The following TMEM132D variants were observed in gnomAD, a reference collection of about 807,000 sequenced individuals.
The protein encoded by TMEM132D is mature OL transmembrane protein.
TMEM132D carries 21 observed loss-of-function variants against 62.3 expected under a neutral mutation model. That is an observed-to-expected ratio of 0.34 (90% CI 0.24 to 0.49). TMEM132D has a LOEUF of 0.49. TMEM132D is among the 20% of genes least tolerant of loss of function. The pLI is 0.99. For missense variants in TMEM132D, 1,346 were observed against 1,402.8 expected, an observed-to-expected ratio of 0.96 and a Z score of 0.65; for synonymous variants, 621 against 575.6, an observed-to-expected ratio of 1.08 and a Z score of -1.13.
At position 129,166,375 on chromosome 12, in the gene TMEM132D, T is replaced by G. The variant is rs77184001; in HGVS notation, c.1443+43145A>C. On this transcript the variant is annotated intron_variant, in intron 5 of 8. Coordinates refer to ENST00000422113, the MANE Select transcript of TMEM132D (RefSeq NM_133448.3). ...AGGCATGAATGCGGGCGGAGCTCCA[T>G]CTAAAGGGCCACGTATGTTTCATCT... 2.5e-3 allele frequency among the ~76,000 whole-genome samples: 380 copies of G among 152,294 alleles called. 11 individuals carry two copies. In the East Asian group the frequency reaches 0.051, roughly 20 times the overall value.
At chr12:129,307,832 T>C (rs1384529152) in intron 4 of TMEM132D, among the ~76,000 whole-genome samples, 1 of 152,246 alleles carries the variant, frequency 6.6e-6, no homozygotes, top group East Asian at 1.9e-4. Context: ...TTTCTTTCAA[T>C]GCAGTCTCTG....
intron 2 of TMEM132D, among the ~76,000 whole-genome samples, chr12:129,539,906 C>T (rs1016875561): frequency 5.3e-5 from 8 of 152,116 alleles, no homozygotes; most frequent in Admixed American, 2.6e-4. Context: ...GCGGGGAGAA[C>T]GACCAAAGGC....
chr12:129,868,143 T>C, intron 1 of TMEM132D, among the ~76,000 whole-genome samples: 1 of 152,064 alleles, frequency 6.6e-6, no homozygotes, highest in Non-Finnish European at 1.5e-5. Flanking sequence ...AGCATTTCTA[T>C]GGTACATACA....
In TMEM132D at chr12:129,074,668, C is replaced by T. The variant is rs1319974000; in HGVS notation, c.2507G>A (p.Ser836Asn). Reference protein sequence around the residue: ...RPKKPSQEWGSQEGQYYGSSS... With the variant: ...RPKKPSQEWGNQEGQYYGSSS... ...ACTGCCATAGTACTGTCCTTCCTGACTCCCCCATTCCTGCGAGGGTTTTTT... is the reference window on the plus strand; with the variant it reads ...ACTGCCATAGTACTGTCCTTCCTGATTCCCCCATTCCTGCGAGGGTTTTTT... Residue 836 changes from serine to asparagine, a missense_variant, in exon 9 of 9, where the codon AGT (serine) becomes AAT (asparagine). Transcript: ENST00000422113. The T allele has an allele frequency of 6.2e-7, 1 of 1,614,156 alleles. No individual in the cohort carries two copies. The highest frequency in any genetic ancestry group is 8.5e-7 in the Non-Finnish European group (1 of 1,180,028).
At chr12:129,191,768 CACACACACACAT>C (rs1212832388) in intron 5 of TMEM132D, among the ~76,000 whole-genome samples, 1 of 150,312 alleles carries the variant, frequency 6.7e-6, no homozygotes, top group African/African-American at 2.5e-5. Flanking sequence ...ACACAGAACA[CACACACACACAT>C]ACACACACAC....
chr12:129,438,532 A>G (rs1040001269), intron 3 of TMEM132D, among the ~76,000 whole-genome samples: 17 of 152,220 alleles, frequency 1.1e-4, no homozygotes, highest in African/African-American at 3.4e-4. Flanking sequence ...AGTATGTACT[A>G]TATGACTTCA....
intron 3 of TMEM132D, among the ~76,000 whole-genome samples, chr12:129,436,601 C>G (rs1481180575): frequency 6.6e-6 from 1 of 152,080 alleles, no homozygotes; most frequent in Non-Finnish European, 1.5e-5. Context: ...GGTATTTAAA[C>G]AATTTATATA....
chr12:129,442,572 A>T (rs1323339772), intron 3 of TMEM132D, among the ~76,000 whole-genome samples: 1 of 152,076 alleles, frequency 6.6e-6, no homozygotes, highest in African/African-American at 2.4e-5. Context: ...TATGCATCCC[A>T]TTCTCCTTCC....
At chr12:129,553,033 C>T (rs538386105) in intron 2 of TMEM132D, among the ~76,000 whole-genome samples, 29 of 152,298 alleles carry the variant, frequency 1.9e-4, no homozygotes, top group African/African-American at 6.0e-4. Flanking sequence ...CGCCACCATC[C>T]GAGCCCCAGC....
At chr12:129,635,459 C>T (rs1271613319) in intron 2 of TMEM132D, among the ~76,000 whole-genome samples, 2 of 152,270 alleles carry the variant, frequency 1.3e-5, no homozygotes, top group Non-Finnish European at 2.9e-5. Context: ...GGAAAGCACC[C>T]CTGTGCAGTC....
chr12:129,101,535 C>T (rs1378012937), intron 5 of TMEM132D, among the ~76,000 whole-genome samples: 3 of 152,164 alleles, frequency 2.0e-5, no homozygotes, highest in African/African-American at 7.2e-5. Flanking sequence ...CCAAATCCAG[C>T]ATTCCAGGTT....
At chr12:129,669,195 A>C (rs1204750349) in intron 2 of TMEM132D, among the ~76,000 whole-genome samples, 2 of 152,242 alleles carry the variant, frequency 1.3e-5, no homozygotes, top group Non-Finnish European at 2.9e-5. Flanking sequence ...AGTACAGTAA[A>C]GCTAAAGTTT....
intron 2 of TMEM132D, among the ~76,000 whole-genome samples, chr12:129,562,173 T>G (rs1877252910): frequency 1.3e-5 from 2 of 152,176 alleles, no homozygotes; most frequent in South Asian, 2.1e-4. Context: ...AAATCCCAGG[T>G]ATTTGAGTGT....
In TMEM132D at chr12:129,520,173, C is replaced by A. The variant is rs553806428; in HGVS notation, c.1115+10886G>T. ...GAACAGACATTAAATAATCTTAGGG[C>A]CTCCCAACTCCCCTACTCTCTTTCC... On this transcript the variant is annotated intron_variant, in intron 3 of 8. Transcript: ENST00000422113. 5.9e-5 allele frequency among the ~76,000 whole-genome samples: 9 copies of A among 152,216 alleles called. No homozygotes were observed. In the South Asian group the frequency reaches 1.9e-3, roughly 32 times the overall value.
At chr12:129,287,904 T>C (rs1400530681) in intron 4 of TMEM132D, among the ~76,000 whole-genome samples, 1 of 152,232 alleles carries the variant, frequency 6.6e-6, no homozygotes, top group South Asian at 2.1e-4. Flanking sequence ...CATTGGTCTA[T>C]GTATCTGTCT....
chr12:129,577,923 A>T (rs1272800128), intron 2 of TMEM132D, among the ~76,000 whole-genome samples: 1 of 152,210 alleles, frequency 6.6e-6, no homozygotes, highest in East Asian at 1.9e-4. Flanking sequence ...AGGTGTTTAC[A>T]AGCTGGAGAG....
At chr12:129,442,589 T>C (rs1157641244) in intron 3 of TMEM132D, among the ~76,000 whole-genome samples, 1 of 150,062 alleles carries the variant, frequency 6.7e-6, no homozygotes, top group Non-Finnish European at 1.5e-5. Context: ...TTCCGTCTTG[T>C]CACAGAGTAT....
chr12:129,811,065 T>C (rs757228436), intron 1 of TMEM132D, among the ~76,000 whole-genome samples: 2 of 151,828 alleles, frequency 1.3e-5, no homozygotes, highest in Admixed American at 6.6e-5. Flanking sequence ...GACAGAAAGA[T>C]TCCATTTTAA....
intron 4 of TMEM132D, among the ~76,000 whole-genome samples, chr12:129,217,993 C>T (rs992596053): frequency 7.2e-5 from 11 of 152,112 alleles, no homozygotes; most frequent in Admixed American, 2.0e-4. Context: ...CAGGCATCTC[C>T]GGAGCTAGGA....
Sources: gnomAD v4.1 joint callset for allele counts (sites outside exome capture counted in the v4.1 genomes callset) on GRCh38, gnomAD v4.1.1 for gene constraint, MANE v1.5 for transcripts, NCBI Gene and HGNC (gene_info 2026-07-23, HGNC 2026-07-21) for gene names.